NELFCD: variants seen among roughly 807,000 people sequenced by gnomAD.
The protein encoded by NELFCD is negative elongation factor C/D.
NELFCD carries 48 observed loss-of-function variants against 72.9 expected under a neutral mutation model. The observed-to-expected ratio is 0.66, with a 90% CI of 0.52 to 0.84. NELFCD has a LOEUF of 0.84. Among genes scored for constraint, NELFCD ranks in the 40% least tolerant of loss-of-function variants. The probability of loss-of-function intolerance (pLI) is 0.00; values close to 1 mark genes in which losing one functional copy is unlikely to be tolerated. For synonymous variants in NELFCD, 297 were observed against 280.6 expected (o/e 1.06, Z -0.59); for missense variants, 538 against 723.8 (o/e 0.74, Z 2.94).
At chr20:58,992,118 A>G in intron 10 of NELFCD, 98 bp downstream of exon 10, 1 of 1,253,140 alleles carries the variant, frequency 8.0e-7, no homozygotes, top group African/African-American at 1.5e-5. Flanking sequence ...CTTCAGCGAT[A>G]CTTGTTCATT....
chr20:58,992,866 A>G (rs2091827673), intron 10 of NELFCD, 132 bp from the exon 11 acceptor site: 28 of 567,312 alleles, frequency 4.9e-5, no homozygotes, highest in Non-Finnish European at 7.3e-5. Flanking sequence ...AAAAAAAAAA[A>G]GGGTTGGGGG....
intron 7 of NELFCD, chr20:58,990,643 G>A (rs1469475674): frequency 2.0e-5 from 7 of 357,480 alleles, no homozygotes; most frequent in South Asian, 5.3e-5. Context: ...TTACAGTGTC[G>A]CAAAATGAGC....
Position 58,995,044 on chromosome 20 carries a change from G to C in NELFCD, c.*368G>C, listed in dbSNP as rs1175674164. The C allele has an allele frequency of 4.4e-6, 1 of 224,816 alleles. No homozygotes were observed. Among genetic ancestry groups the C allele is most frequent in the Non-Finnish European group, 8.7e-6 (1 of 114,914 alleles). The allele number at this position is 224,816 out of a possible 1,614,324, so 13.9% of individuals were successfully genotyped here. On this transcript the variant is annotated 3_prime_UTR_variant, in exon 15 of 15. Coordinates refer to ENST00000652272, the MANE Select transcript of NELFCD (RefSeq NM_198976.4). ...ACCTCAGTTTTCTCACAAGAACCCA[G>C]TTAGCTGATGTTTTATTGTAATTGT...
chr20:58,989,111 T>C, intron 5 of NELFCD, 90 bp downstream of exon 5: 1 of 935,734 alleles, frequency 1.1e-6, no homozygotes, highest in East Asian at 2.5e-5. Context: ...TCATATTTGC[T>C]TTTTTTCCAT....
chr20:58,986,048 T>G lies in NELFCD; in HGVS notation c.61-45T>G. 1 of 1,263,144 alleles carries G rather than the reference T, an allele frequency of 7.9e-7. No individual in the cohort carries two copies. Among genetic ancestry groups the G allele is most frequent in the African/African-American group, 1.5e-5 (1 of 68,374 alleles). 78.2% of individuals were successfully genotyped at this position (1,263,144 alleles called of 1,614,324 possible). On this transcript the variant is annotated intron_variant, in intron 1 of 14. Transcript: ENST00000652272. The surrounding 1 kb of genome is among the most constrained non-coding windows in gnomAD (Gnocchi z 4.4). ...CGATTTAAGGTGAGATTAGGGTATTTGTATTAATGAAAAAAATATCCTGGC... is the reference window on the plus strand; with the variant it reads ...CGATTTAAGGTGAGATTAGGGTATTGGTATTAATGAAAAAAATATCCTGGC...
rs563674135 is a variant in NELFCD at position 58,989,771 on chromosome 20, G to A, written c.658-87G>A. On this transcript the variant is annotated intron_variant, in intron 6 of 14. Coordinates refer to ENST00000652272, the MANE Select transcript of NELFCD (RefSeq NM_198976.4). ...CACCTTCCAGGATGCTCACTCCCGG[G>A]CCCGAGCACGGTGGAGGCTTGGCTC... 2.5e-5 allele frequency: 40 copies of A among 1,608,372 alleles called. No individual in the cohort carries two copies. In the South Asian group the frequency reaches 4.1e-4, roughly 16 times the overall value.
intron 9 of NELFCD, 163 bp from the exon 10 acceptor site, chr20:58,991,718 C>A: frequency 1.2e-6 from 1 of 817,072 alleles, no homozygotes; most frequent in Non-Finnish European, 1.9e-6. Flanking sequence ...CATTGCTTTT[C>A]AGTTTCTGTA....
chr20:58,983,435 CT>C (rs1280267450), intron 1 of NELFCD, among the ~76,000 whole-genome samples: 17,474 of 128,792 alleles, frequency 0.14, 870 homozygotes, highest in Middle Eastern at 0.2. Flanking sequence ...CGCACCCGGC[CT>C]TTTTTTTTTT....
intron 6 of NELFCD, 83 bp from the exon 7 acceptor site, chr20:58,989,775 G>A (rs1012551040): frequency 8.1e-6 from 13 of 1,608,806 alleles, no homozygotes; most frequent in South Asian, 7.7e-5. Context: ...TCCCGGGCCC[G>A]AGCACGGTGG....
At chr20:58,985,351 G>C (rs1337429300) in intron 1 of NELFCD, among the ~76,000 whole-genome samples, 2 of 152,192 alleles carry the variant, frequency 1.3e-5, no homozygotes, top group African/African-American at 4.8e-5. Flanking sequence ...ATTTTCTTAG[G>C]TTCCTTGGTT....
rs1451580176 is a variant in NELFCD at position 58,993,701 on chromosome 20, C to T, written c.1518C>T (p.Tyr506=). ...SRGYVLPVVS[Y]IRKCLEKLDT... ...GTTATGTACTTCCTGTTGTCAGTTA[C>T]ATCCGAAAGTGTCTGGAGAAGCTGG... The change falls in exon 13 of 15, where the codon TAC becomes TAT. Residue 506 remains tyrosine, a synonymous_variant. Coordinates refer to ENST00000652272, the MANE Select transcript of NELFCD (RefSeq NM_198976.4). This position sits in a 1 kb window ranked among gnomAD's most constrained non-coding sequence, Gnocchi z 5.0. 5 of 1,614,216 alleles carry T rather than the reference C, an allele frequency of 3.1e-6. No individual in the cohort carries two copies. The highest frequency in any genetic ancestry group is 4.2e-6 in the Non-Finnish European group (5 of 1,180,040).
At chr20:58,990,629 AT>A (rs1175539961) in intron 7 of NELFCD, 6 of 330,320 alleles carry the variant, frequency 1.8e-5, no homozygotes, top group Non-Finnish European at 2.8e-5. Context: ...CAGCAATCTC[AT>A]TGTTACAGTG....
Position 58,991,303 on chromosome 20 carries a change from TCTC to T in NELFCD, c.955-5_955-3del, listed in dbSNP as rs749446962. 10 of 1,614,154 alleles carry T rather than the reference TCTC, an allele frequency of 6.2e-6. No individual in the cohort carries two copies. Among genetic ancestry groups the T allele is most frequent in the East Asian group, 4.5e-5 (2 of 44,884 alleles). ...TGCCATCCCGAACTGGGCATATGCT[TCTC>T]CTCAGATCCGCGTTCCAGCCTTCCT... On this transcript the variant is annotated splice_polypyrimidine_tract_variant and splice_region_variant and intron_variant, in intron 8 of 14. Coordinates refer to ENST00000652272, the MANE Select transcript of NELFCD (RefSeq NM_198976.4).
At chr20:58,992,868 G>T (rs942402757) in intron 10 of NELFCD, 130 bp from the exon 11 acceptor site, 3 of 621,596 alleles carry the variant, frequency 4.8e-6, no homozygotes, top group East Asian at 2.8e-5. Context: ...AAAAAAAAAG[G>T]GTTGGGGGGC....
At chr20:58,991,522 T>A in intron 9 of NELFCD, 76 bp downstream of exon 9, 14 of 1,559,246 alleles carry the variant, frequency 9.0e-6, no homozygotes, top group Non-Finnish European at 1.2e-5. Flanking sequence ...ATTTTGGAAT[T>A]TTGGCTGCAA....
chr20:58,990,628 C>T, intron 7 of NELFCD: 1 of 327,922 alleles, frequency 3.0e-6, no homozygotes. Flanking sequence ...TCAGCAATCT[C>T]ATTGTTACAG....
rs533070668 is a variant in NELFCD, at chr20:58,994,318, C to T, written c.1711+79C>T. On this transcript the variant is annotated intron_variant, in intron 14 of 14. Coordinates refer to ENST00000652272, the MANE Select transcript of NELFCD (RefSeq NM_198976.4). ...GTGGCTCATGCCTGTAATCCCAGCA[C>T]TTTGGGAGGCCAAGGTGGGTGGATC... 2.7e-5 allele frequency: 40 copies of T among 1,478,508 alleles called. No homozygotes were observed. In the East Asian group the frequency reaches 9.0e-4, roughly 33 times the overall value. The allele number at this position is 1,478,508 out of a possible 1,614,324, so 91.6% of individuals were successfully genotyped here.
chr20:58,991,859 C>CAG, intron 9 of NELFCD, 22 bp from the exon 10 acceptor site: 1 of 1,611,834 alleles, frequency 6.2e-7, no homozygotes, highest in South Asian at 1.1e-5. Context: ...TCAGGCTCAC[C>CAG]AGCTTGTGTG....
At chr20:58,989,449 C>G (rs2091797154) in intron 5 of NELFCD, 39 bp from the exon 6 acceptor site, 1 of 1,609,168 alleles carries the variant, frequency 6.2e-7, no homozygotes, top group Admixed American at 1.7e-5. Flanking sequence ...GGTGCGGTCA[C>G]TGCATGCCTC....
Sources: allele counts gnomAD v4.1 joint callset (sites outside exome capture counted in the v4.1 genomes callset), GRCh38; gene constraint gnomAD v4.1.1; non-coding constraint Gnocchi (gnomAD v3.1); transcripts MANE v1.5; gene names NCBI Gene and HGNC (gene_info 2026-07-23, HGNC 2026-07-21).